EML3: variants seen among roughly 807,000 people sequenced by gnomAD.
EML3 encodes echinoderm microtubule-associated protein-like 3.
A neutral mutation model predicts 106.7 loss-of-function variants in EML3; 53 were observed. That is an observed-to-expected ratio of 0.50 (90% CI 0.40 to 0.62). The LOEUF is 0.62. EML3 is among the 20% of genes least tolerant of loss of function. The pLI is 0.00. For missense variants in EML3, 994 were observed against 1,209.1 expected (o/e 0.82, Z 2.64); for synonymous variants, 499 against 489.6 (o/e 1.02, Z -0.25).
chr11:62,607,028 T>C lies in EML3; in HGVS notation c.1434A>G (p.Ser478=), dbSNP rs773387983. The part of the protein sequence containing the change: ...LPDGDILTGD[S]EGNILTWGRS... The stretch of plus-strand genomic sequence containing the variant: ...GCCCCCAGGTGAGAATGTTCCCCTC[T>C]GAGTCTCCAGTGAGAATGTCTCCAT... Residue 478 remains serine, a synonymous_variant, in exon 12 of 22, where the codon TCA becomes TCG. Transcript: ENST00000394773. 6.2e-6 allele frequency: 10 copies of C among 1,614,040 alleles called. No individual in the cohort carries two copies. Among genetic ancestry groups the C allele is most frequent in the African/African-American group, 2.7e-5 (2 of 74,940 alleles).
Position 62,612,363 on chromosome 11 carries a change from T to G in EML3, c.22+73A>C, listed in dbSNP as rs1322057517. On this transcript the variant is annotated intron_variant, in intron 1 of 21. Transcript: ENST00000394773. The stretch of plus-strand genomic sequence containing the variant: ...ACGCGGGGACGCCTCCAGACAGCCG[T>G]CCAGCTCTGGCATAACCCGACGAGC... The G allele has an allele frequency of 2.1e-6, 3 of 1,446,362 alleles. No homozygotes were observed. In the African/African-American group the frequency reaches 4.4e-5, roughly 21 times the overall value. 89.6% of individuals were successfully genotyped at this position (1,446,362 alleles called of 1,614,324 possible).
Position 62,607,824 on chromosome 11 carries a change from G to T in EML3, c.1207-3C>A. On this transcript the variant is annotated splice_polypyrimidine_tract_variant and splice_region_variant and intron_variant, in intron 10 of 21. Coordinates refer to ENST00000394773, the MANE Select transcript of EML3 (RefSeq NM_153265.3). Reference sequence around the variant, plus strand: ...GCCAGGACTGAGTCATTTGTACTCTGAAGGGAAGACACTAGATTCAGCCAC... The same window carrying T: ...GCCAGGACTGAGTCATTTGTACTCTTAAGGGAAGACACTAGATTCAGCCAC... The T allele has an allele frequency of 6.2e-7, 1 of 1,612,542 alleles. No individual in the cohort carries two copies. The highest frequency in any genetic ancestry group is 2.2e-5 in the East Asian group (1 of 44,842).
Position 62,603,232 on chromosome 11 carries a change from C to A in EML3, c.2273G>T (p.Gly758Val). 6.2e-7 allele frequency: 1 copy of A among 1,613,720 alleles called. No individual in the cohort carries two copies. The highest frequency in any genetic ancestry group is 8.5e-7 in the Non-Finnish European group (1 of 1,180,018). Residue 758 changes from glycine to valine, a missense_variant, in exon 20 of 22, where the codon GGC becomes GTC. Gly to Val is a moderately radical substitution (Grantham distance 109). Coordinates refer to ENST00000394773, the MANE Select transcript of EML3 (RefSeq NM_153265.3). The stretch of plus-strand genomic sequence containing the variant: ...ATAGCGATTCTTCAGCTGCTTGCAG[C>A]CTCCAGCCACGTCCCCTGGGGAGAG... ...YEILYWDVAG[G>V]CKQLKNRYES...
At chr11:62,609,170 A>C (rs549408864) in intron 6 of EML3, 38 bp from the exon 7 acceptor site, 9 of 1,611,002 alleles carry the variant, frequency 5.6e-6, no homozygotes, top group South Asian at 1.1e-5. Flanking sequence ...GGGTTAGATC[A>C]AGGGCAGGAG....
intron 11 of EML3, 182 bp from the exon 12 acceptor site, chr11:62,607,281 T>C: frequency 3.1e-6 from 2 of 637,706 alleles, no homozygotes; most frequent in East Asian, 2.9e-5. Context: ...AATCCCGCAC[T>C]GCACTCCAGC....
chr11:62,608,849 C>T (rs957514889), intron 7 of EML3, 44 bp from the exon 8 acceptor site: 2 of 1,568,464 alleles, frequency 1.3e-6, no homozygotes, highest in African/African-American at 2.7e-5. Context: ...TCTCTCAAGA[C>T]CATCCAAGAC....
chr11:62,607,675 A>C lies in EML3; in HGVS notation c.1353T>G (p.Gly451=). 1 of 1,612,840 alleles carries C rather than the reference A, an allele frequency of 6.2e-7. No individual in the cohort carries two copies. ...PGNGTLTRKQ[G]VFGKYKKPKF... is the part of the protein sequence containing the mutation. ...CTTATCCATGCCTCACCCCAAAGAC[A>C]CCCTGTTTCCGGGTAAGGGTCCCAT... Residue 451 remains glycine, a synonymous_variant, in exon 11 of 22, where the codon GGT becomes GGG. Transcript: ENST00000394773.
Position 62,610,974 on chromosome 11 carries a change from G to T in EML3, c.471C>A (p.Ser157=). Residue 157 remains serine, a synonymous_variant, in exon 4 of 22, where the codon TCC becomes TCA. Coordinates refer to ENST00000394773, the MANE Select transcript of EML3 (RefSeq NM_153265.3). Reference sequence around the variant, plus strand: ...GCCGCTCTGAGGGGGATGAGGAGGAGGAAGAATTTCTTCGCGGCCTGGTGG... The same window carrying T: ...GCCGCTCTGAGGGGGATGAGGAGGATGAAGAATTTCTTCGCGGCCTGGTGG... ...QRADTPRRNS[S]SSSSPSERPR... The T allele has an allele frequency of 1.2e-6, 2 of 1,613,752 alleles. No homozygotes were observed. The highest frequency in any genetic ancestry group is 8.5e-7 in the Non-Finnish European group (1 of 1,179,974).
chr11:62,602,321 G>A lies in EML3; in HGVS notation c.*154C>T. The A allele has an allele frequency of 6.4e-7, 1 of 1,551,086 alleles. No homozygotes were observed. The highest frequency in any genetic ancestry group is 8.7e-7 in the Non-Finnish European group (1 of 1,146,878). On this transcript the variant is annotated 3_prime_UTR_variant, in exon 22 of 22. Transcript: ENST00000394773. ...GCGGGTCTAAACAGTGTGTGCAGGGGCGCCGTTCGCGCCCTCCAGGAAAAT... is the reference window on the plus strand; with the variant it reads ...GCGGGTCTAAACAGTGTGTGCAGGGACGCCGTTCGCGCCCTCCAGGAAAAT...
At chr11:62,608,117 T>G (rs1942624027) in intron 10 of EML3, 84 bp downstream of exon 10, 10 of 1,321,042 alleles carry the variant, frequency 7.6e-6, no homozygotes, top group Non-Finnish European at 9.7e-6. Context: ...AGGAAGGAAA[T>G]GTATGGGTGA....
intron 1 of EML3, chr11:62,611,883 C>G: frequency 2.1e-6 from 1 of 474,952 alleles, no homozygotes. Context: ...GGAGTACTGC[C>G]GAGGAACGTG....
rs11553576 is a variant in EML3, at chr11:62,611,329, T to C, written c.210A>G (p.Pro70=). 0.34 allele frequency: 544,612 copies of C among 1,612,638 alleles called. 96,310 individuals are homozygous for C. Among genetic ancestry groups the C allele is most frequent in the Non-Finnish European group, 0.37 (437,418 of 1,179,732 alleles). ...APPGDSLAAP[P]GLPPTCTPSL... ...AAGGGGTGCACGTGGGTGGCAGTCCTGGGGGGGCTGCAAGACTGCTGGAGA... is the reference window on the plus strand; with the variant it reads ...AAGGGGTGCACGTGGGTGGCAGTCCCGGGGGGGCTGCAAGACTGCTGGAGA... Residue 70 remains proline, a synonymous_variant, in exon 3 of 22, where the codon CCA becomes CCG. Coordinates refer to ENST00000394773, the MANE Select transcript of EML3 (RefSeq NM_153265.3).
intron 20 of EML3, 97 bp downstream of exon 20, chr11:62,603,052 G>C: frequency 6.4e-7 from 1 of 1,551,316 alleles, no homozygotes; most frequent in Non-Finnish European, 8.8e-7. Flanking sequence ...TCAGGTTTCT[G>C]GACTCTCACC....
At chr11:62,610,666 C>A (rs558971383) in intron 4 of EML3, among the ~76,000 whole-genome samples, 4 of 152,206 alleles carry the variant, frequency 2.6e-5, no homozygotes, top group Non-Finnish European at 5.9e-5. Flanking sequence ...GACCACCTAA[C>A]CCCCAAGGAT....
Position 62,611,311 on chromosome 11 carries a change from G to A in EML3, c.228C>T (p.Cys76=). The change falls in exon 3 of 22, where the codon TGC becomes TGT. Residue 76 remains cysteine (C), a synonymous_variant. Transcript: ENST00000394773. The part of the protein sequence containing the change: ...LAAPPGLPPT[C]TPSLVSRGTQ... ...TGCCTCGGCTCACCAAGGAAGGGGT[G>A]CACGTGGGTGGCAGTCCTGGGGGGG... The A allele has an allele frequency of 6.2e-7, 1 of 1,613,002 alleles. No individual in the cohort carries two copies. Among genetic ancestry groups the A allele is most frequent in the South Asian group, 1.1e-5 (1 of 91,088 alleles).
intron 19 of EML3, 113 bp from the exon 20 acceptor site, chr11:62,603,360 T>A (rs1333966938): frequency 8.2e-6 from 8 of 979,990 alleles, no homozygotes; most frequent in African/African-American, 1.6e-5. Context: ...GCATGTGATC[T>A]GGTCACCGTA....
chr11:62,611,058 C>T (rs551293294), intron 3 of EML3, 29 bp downstream of exon 3: 1 of 1,602,862 alleles, frequency 6.2e-7, no homozygotes, highest in African/African-American at 1.3e-5. Context: ...CCCCTCCCAG[C>T]TTCCGCCACA....
chr11:62,609,802 C>T, intron 4 of EML3, 106 bp from the exon 5 acceptor site: 2 of 960,132 alleles, frequency 2.1e-6, no homozygotes, highest in South Asian at 3.4e-5. Context: ...ACAGTCACTT[C>T]TGCAAGCCTG....
At chr11:62,610,308 G>A (rs1942745836) in intron 4 of EML3, among the ~76,000 whole-genome samples, 1 of 152,184 alleles carries the variant, frequency 6.6e-6, no homozygotes, top group South Asian at 2.1e-4. Flanking sequence ...CAAGGACAGG[G>A]CTAGAATGAA....
Sources: allele counts gnomAD v4.1 joint callset (sites outside exome capture counted in the v4.1 genomes callset), GRCh38; gene constraint gnomAD v4.1.1; transcripts MANE v1.5; gene names NCBI Gene and HGNC (gene_info 2026-07-23, HGNC 2026-07-21).